Variants in WDR72 observed in about 807,000 individuals in gnomAD.
WDR72 encodes WD repeat domain 72.
WDR72 carries 120 observed loss-of-function variants against 124.2 expected under a neutral mutation model. The ratio of observed to expected loss-of-function variants is 0.97; its 90% confidence interval spans 0.83 to 1.12. The LOEUF (loss-of-function observed/expected upper bound fraction) is 1.12, where lower values mean the gene tolerates loss of function less well. WDR72 is among the 50% of genes most tolerant of loss of function. The probability of loss-of-function intolerance (pLI) is 0.00; values close to 1 mark genes in which losing one functional copy is unlikely to be tolerated. For missense variants in WDR72, 1,387 were observed against 1,278.8 expected, an observed-to-expected ratio of 1.08 and a Z score of -1.29; for synonymous variants, 452 against 441.7, an observed-to-expected ratio of 1.02 and a Z score of -0.29.
At chr15:53,726,505 C>T (rs1223437849) in intron 2 of WDR72, among the ~76,000 whole-genome samples, 1 of 151,806 alleles carries the variant, frequency 6.6e-6, no homozygotes, top group African/African-American at 2.4e-5. Context: ...TAAAATTAAC[C>T]TTCCTACATT....
intron 14 of WDR72, among the ~76,000 whole-genome samples, chr15:53,619,272 G>T (rs2013893217): frequency 6.6e-6 from 1 of 151,342 alleles, no homozygotes; most frequent in Non-Finnish European, 1.5e-5. Flanking sequence ...AATTGTGTGT[G>T]TGTGTGTGTG....
rs369794270 is a variant in WDR72 at position 53,732,604 on chromosome 15, A to G, written c.153+393T>C. Among the ~76,000 whole-genome samples, 7 of 152,270 alleles carry G rather than the reference A, an allele frequency of 4.6e-5. No individual in the cohort carries two copies. In the East Asian group the frequency reaches 1.4e-3, roughly 29 times the overall value. On this transcript the variant is annotated intron_variant, in intron 2 of 19. Transcript: ENST00000360509. ...GAGCAGAAACACCCACATAATTAAG[A>G]TATTACTCATTTAGTTAATCGTGGC...
chr15:53,581,149 G>C (rs575577795), intron 18 of WDR72, among the ~76,000 whole-genome samples: 68 of 152,124 alleles, frequency 4.5e-4, no homozygotes, highest in African/African-American at 1.6e-3. Context: ...ATTGATTAGA[G>C]AGCGAGAGTG....
At chr15:53,589,725 G>A (rs2012402587) in intron 18 of WDR72, among the ~76,000 whole-genome samples, 1 of 151,994 alleles carries the variant, frequency 6.6e-6, no homozygotes, top group Non-Finnish European at 1.5e-5. Flanking sequence ...GACCATCTCT[G>A]GGCAGAGCCA....
At chr15:53,640,370 C>T (rs1192068888) in intron 14 of WDR72, among the ~76,000 whole-genome samples, 1 of 152,138 alleles carries the variant, frequency 6.6e-6, no homozygotes, top group African/African-American at 2.4e-5. Context: ...TCCTGATATG[C>T]TTGGATGCCA....
chr15:53,733,197 ATCT>A (rs1220376264), intron 1 of WDR72, 36 bp from the exon 2 acceptor site: 1 of 1,610,190 alleles, frequency 6.2e-7, no homozygotes, highest in Non-Finnish European at 8.5e-7. Flanking sequence ...ATACATGGTC[ATCT>A]TTTTGAAATT....
chr15:53,702,342 T>G lies in WDR72; in HGVS notation c.1361A>C (p.His454Pro), dbSNP rs766316332. Residue 454 changes from histidine (H) to proline (P), a missense_variant, in exon 12 of 20, where the codon CAT becomes CCT. His to Pro is a moderately conservative substitution (Grantham distance 77). Transcript: ENST00000360509. ...GGSLVKDSPP[H>P]KVLKGHHQSV... ...TTGGTGGTGGCCTTTAAGAACTTTA[T>G]GAGGGGGAGAATCTGAAAAACAATG... 1.2e-5 allele frequency: 19 copies of G among 1,612,908 alleles called. No homozygotes were observed. In the East Asian group the frequency reaches 4.0e-4, roughly 34 times the overall value.
At chr15:53,585,097 GT>G (rs1361076703) in intron 18 of WDR72, among the ~76,000 whole-genome samples, 2 of 151,896 alleles carry the variant, frequency 1.3e-5, no homozygotes, top group African/African-American at 2.4e-5. Context: ...GGATATATAA[GT>G]TTTTAAATAT....
intron 18 of WDR72, among the ~76,000 whole-genome samples, chr15:53,568,796 C>G (rs1020428290): frequency 1.3e-5 from 2 of 151,928 alleles, no homozygotes; most frequent in African/African-American, 4.8e-5. Flanking sequence ...GTTATCATTT[C>G]TCATGAGTTA....
At chr15:53,642,592 G>A (rs2014894919) in intron 14 of WDR72, among the ~76,000 whole-genome samples, 1 of 151,932 alleles carries the variant, frequency 6.6e-6, no homozygotes, top group Admixed American at 6.6e-5. Context: ...GTACTGTCAA[G>A]CATTCACTTC....
intron 14 of WDR72, among the ~76,000 whole-genome samples, chr15:53,665,309 T>G (rs2015739100): frequency 6.6e-6 from 1 of 152,182 alleles, no homozygotes; most frequent in East Asian, 1.9e-4. Flanking sequence ...TTCCTTATGT[T>G]AAATCACCTA....
chr15:53,744,010 T>C lies in WDR72; in HGVS notation c.-12-10849A>G, dbSNP rs369513298. Among the ~76,000 whole-genome samples the C allele has an allele frequency of 5.7e-4, 87 of 152,110 alleles. 2 individuals carry two copies. Among genetic ancestry groups the C allele is most frequent in the African/African-American group, 2.0e-3 (82 of 41,488 alleles). ...AAAAAAATTTATCAAATGAATCTTCTCTTCAGATCAAAGGAATACCTTCTT... is the reference window on the plus strand; with the variant it reads ...AAAAAAATTTATCAAATGAATCTTCCCTTCAGATCAAAGGAATACCTTCTT... On this transcript the variant is annotated intron_variant, in intron 1 of 19. Coordinates refer to ENST00000360509, the MANE Select transcript of WDR72 (RefSeq NM_182758.4).
chr15:53,738,616 G>A (rs576386423), intron 1 of WDR72, among the ~76,000 whole-genome samples: 2 of 151,948 alleles, frequency 1.3e-5, no homozygotes, highest in African/African-American at 4.8e-5. Context: ...GTTTGTTTGA[G>A]ATGGAGTCTC....
intron 18 of WDR72, among the ~76,000 whole-genome samples, chr15:53,552,635 A>G (rs1252872988): frequency 6.6e-6 from 1 of 152,154 alleles, no homozygotes; most frequent in Non-Finnish European, 1.5e-5. Flanking sequence ...GTTTTATAAG[A>G]TCGAAAACAG....
intron 18 of WDR72, among the ~76,000 whole-genome samples, chr15:53,563,690 C>T (rs1261598426): frequency 6.6e-6 from 1 of 151,444 alleles, no homozygotes; most frequent in East Asian, 1.9e-4. Context: ...TTTTTTTAAT[C>T]TGAAATACTG....
chr15:53,644,890 C>T (rs1050523880), intron 14 of WDR72, among the ~76,000 whole-genome samples: 1 of 152,062 alleles, frequency 6.6e-6, no homozygotes, highest in Non-Finnish European at 1.5e-5. Flanking sequence ...CACGGGCAAT[C>T]ATGGGGCCAC....
In WDR72 at chr15:53,733,142, G is replaced by C. The variant is rs1382608912; in HGVS notation, c.8C>G (p.Thr3Ser). ...CCAGAGTGCCACTGCCTGCAGGGAA[G>C]TCCTCATTTTGGGCGAATCCTGACA... MR[T>S]SLQAVALWGQ... is the part of the protein sequence containing the mutation. Residue 3 changes from threonine (T) to serine (S), a missense_variant, in exon 2 of 20, where the codon ACT (threonine) becomes AGT (serine). Physicochemically the swap from Thr to Ser is moderately conservative, Grantham distance 58. Coordinates refer to ENST00000360509, the MANE Select transcript of WDR72 (RefSeq NM_182758.4). 1 of 1,613,954 alleles carries C rather than the reference G, an allele frequency of 6.2e-7. No homozygotes were observed. Among genetic ancestry groups the C allele is most frequent in the East Asian group, 2.2e-5 (1 of 44,884 alleles).
Position 53,727,412 on chromosome 15 carries a change from G to A in WDR72, c.154-4504C>T, listed in dbSNP as rs377424518. Among the ~76,000 whole-genome samples the A allele has an allele frequency of 4.0e-4, 61 of 152,154 alleles. No homozygotes were observed. The East Asian group carries it at 0.011, about 28-fold the overall frequency. On this transcript the variant is annotated intron_variant, in intron 2 of 19. Coordinates refer to ENST00000360509, the MANE Select transcript of WDR72 (RefSeq NM_182758.4). ...TTATTTCATGACATAATTGTTCTCT[G>A]CCTTTGTATCATTTCTATCATAATC...
At chr15:53,718,747 T>A (rs2017783194) in intron 3 of WDR72, among the ~76,000 whole-genome samples, 1 of 151,794 alleles carries the variant, frequency 6.6e-6, no homozygotes, top group South Asian at 2.1e-4. Flanking sequence ...TTTAAGAATT[T>A]TTAAAACCTT....
Sources: allele counts gnomAD v4.1 joint callset (sites outside exome capture counted in the v4.1 genomes callset), GRCh38; gene constraint gnomAD v4.1.1; transcripts MANE v1.5; gene names NCBI Gene and HGNC (gene_info 2026-07-23, HGNC 2026-07-21).